The following PIGG variants were observed in gnomAD, a reference collection of about 807,000 sequenced individuals.
The protein encoded by PIGG is GPI ethanolamine phosphate transferase 2, catalytic subunit.
PIGG carries 70 observed loss-of-function variants against 83.2 expected under a neutral mutation model. That is an observed-to-expected ratio of 0.84 (90% CI 0.69 to 1.03). The LOEUF is 1.03. Among genes scored for constraint, PIGG ranks in the 50% least tolerant of loss-of-function variants. The probability of loss-of-function intolerance (pLI) is 0.00; values close to 1 mark genes in which losing one functional copy is unlikely to be tolerated. For missense variants in PIGG, 1,257 were observed against 1,233.6 expected (o/e 1.02, Z -0.28); for synonymous variants, 532 against 519.5 (o/e 1.02, Z -0.33).
intron 12 of PIGG, among the ~76,000 whole-genome samples, chr4:535,135 G>C (rs1256121580): frequency 6.6e-6 from 1 of 152,262 alleles, no homozygotes; most frequent in African/African-American, 2.4e-5. Flanking sequence ...GTCAGGTGCT[G>C]AGTGGAGTGT....
At chr4:533,387 G>A (rs11931543) in intron 11 of PIGG, 6 of 169,806 alleles carry the variant, frequency 3.5e-5, no homozygotes, top group South Asian at 3.0e-4. Flanking sequence ...CCAGCTCCCC[G>A]CTTGGCTGGG....
intron 12 of PIGG, chr4:536,200 A>C (rs934373674): frequency 6.6e-6 from 1 of 152,266 alleles, no homozygotes; most frequent in African/African-American, 2.4e-5. Flanking sequence ...AGGTTTCCGT[A>C]AGGGGTCGGG....
intron 10 of PIGG, among the ~76,000 whole-genome samples, chr4:529,897 C>G (rs1388528191): frequency 2.6e-5 from 4 of 152,190 alleles, no homozygotes; most frequent in Admixed American, 2.6e-4. Context: ...TTCTCAGAGC[C>G]CGCGGGTTGG....
chr4:528,446 C>A lies in PIGG; in HGVS notation c.2261+1216C>A, dbSNP rs1664943016. The A allele has an allele frequency of 1.0e-6, 1 of 985,296 alleles. No individual in the cohort carries two copies. The highest frequency in any genetic ancestry group is 1.2e-6 in the Non-Finnish European group (1 of 829,894). 61.0% of individuals were successfully genotyped at this position (985,296 alleles called of 1,614,324 possible). On this transcript the variant is annotated intron_variant, in intron 10 of 12. Transcript: ENST00000453061. The surrounding 1 kb of genome is among the most constrained non-coding windows in gnomAD (Gnocchi z 4.8). ...GGGTGGCCGTGGGGCTCCGGGGGCACCCCTGGAAGTACTTCCTGGCTGAGT... is the reference window on the plus strand; with the variant it reads ...GGGTGGCCGTGGGGCTCCGGGGGCAACCCTGGAAGTACTTCCTGGCTGAGT...
rs1716840561 is a variant in PIGG at position 499,677 on chromosome 4, A to G, written c.154+188A>G. 2.8e-6 allele frequency: 4 copies of G among 1,408,288 alleles called. No individual in the cohort carries two copies. The African/African-American group carries it at 4.4e-5, about 15-fold the overall frequency. The allele number at this position is 1,408,288 out of a possible 1,614,324, so 87.2% of individuals were successfully genotyped here. A position where few individuals can be genotyped will look rare whatever the true frequency, so the allele number is the denominator to read the frequency against. Reference sequence around the variant, plus strand: ...TTCTGTATTCTTACAACTTTGTGGCAACCACCTCTACTGGCCCCACTTCGA... The same window carrying G: ...TTCTGTATTCTTACAACTTTGTGGCGACCACCTCTACTGGCCCCACTTCGA... On this transcript the variant is annotated intron_variant, in intron 1 of 12. Transcript: ENST00000453061.
chr4:507,291 A>C (rs1720058807), intron 3 of PIGG, 114 bp from the exon 4 acceptor site: 3 of 810,172 alleles, frequency 3.7e-6, no homozygotes, highest in Non-Finnish European at 6.0e-6. Flanking sequence ...ACTCCCCCAA[A>C]TCCTGTAACC....
rs868964600 is a variant in PIGG, at chr4:505,486, A to T, written c.361-232A>T. 0.04 allele frequency among the ~76,000 whole-genome samples: 5,401 copies of T among 134,790 alleles called. 157 individuals are homozygous for T. Among genetic ancestry groups the T allele is most frequent in the African/African-American group, 0.076 (2,776 of 36,498 alleles). The allele number at this position is 134,790 out of a possible 152,430, so 88.4% of individuals were successfully genotyped here. ...AAAAAAAAAAAAAAAAAAAAAAAAA[A>T]GCTGGGTGTGGTGCCACACACCTGT... is the stretch of plus-strand genomic sequence containing the variant. On this transcript the variant is annotated intron_variant, in intron 2 of 12. Coordinates refer to ENST00000453061, the MANE Select transcript of PIGG (RefSeq NM_001127178.3).
chr4:527,693 T>C, intron 10 of PIGG: 2 of 985,376 alleles, frequency 2.0e-6, no homozygotes, highest in Non-Finnish European at 2.4e-6. Flanking sequence ...ACCGTCCTTG[T>C]AATTTATAAC....
intron 6 of PIGG, among the ~76,000 whole-genome samples, chr4:516,574 AG>A (rs1226680197): frequency 1.3e-5 from 2 of 152,142 alleles, no homozygotes; most frequent in Admixed American, 1.3e-4. Flanking sequence ...AAGAATAAAC[AG>A]GGCTGGGTGC....
At chr4:504,897 G>A (rs1719053508) in intron 2 of PIGG, among the ~76,000 whole-genome samples, 1 of 152,174 alleles carries the variant, frequency 6.6e-6, no homozygotes, top group Non-Finnish European at 1.5e-5. Flanking sequence ...GGTGGGAGCA[G>A]AAGAGACTAT....
chr4:506,465 C>G (rs1719738951), intron 3 of PIGG, among the ~76,000 whole-genome samples: 1 of 152,194 alleles, frequency 6.6e-6, no homozygotes, highest in African/African-American at 2.4e-5. Context: ...TAGGAGCACA[C>G]CAGCACACCT....
rs2108882533 is a variant in PIGG at position 515,791 on chromosome 4, G to T, written c.902-182G>T. On this transcript the variant is annotated intron_variant, in intron 5 of 12. Transcript: ENST00000453061. The surrounding 1 kb of genome is among the most constrained non-coding windows in gnomAD (Gnocchi z 4.2). ...AAGGAAAGACACCGTCCCTGGCATA[G>T]AATGGGTTCGGTAACTATCAACACA... Among the ~76,000 whole-genome samples the T allele has an allele frequency of 6.6e-6, 1 of 152,366 alleles. No homozygotes were observed. Among genetic ancestry groups the T allele is most frequent in the Non-Finnish European group, 1.5e-5 (1 of 68,040 alleles).
intron 2 of PIGG, among the ~76,000 whole-genome samples, chr4:504,951 A>G (rs1553877894): frequency 6.6e-6 from 1 of 152,168 alleles, no homozygotes; most frequent in Non-Finnish European, 1.5e-5. Context: ...CAAATTGCTG[A>G]AAGTTCACGC....
At chr4:511,297 A>T (rs10032435) in intron 5 of PIGG, among the ~76,000 whole-genome samples, 2 of 121,578 alleles carry the variant, frequency 1.6e-5, no homozygotes, top group Admixed American at 8.1e-5. Context: ...CCCCATCTTT[A>T]AAAAAAAAAA....
intron 10 of PIGG, chr4:527,549 G>T (rs529187819): frequency 9.3e-7 from 1 of 1,069,540 alleles, no homozygotes; most frequent in Admixed American, 4.8e-5. Flanking sequence ...ACAGATGAGC[G>T]TGAATCGGTT....
Position 515,220 on chromosome 4 carries a change from G to T in PIGG, c.902-753G>T, listed in dbSNP as rs1321768055. 6.6e-6 allele frequency among the ~76,000 whole-genome samples: 1 copy of T among 152,246 alleles called. No individual in the cohort carries two copies. The highest frequency in any genetic ancestry group is 1.5e-5 in the Non-Finnish European group (1 of 68,052). On this transcript the variant is annotated intron_variant, in intron 5 of 12. Transcript: ENST00000453061. This position sits in a 1 kb window ranked among gnomAD's most constrained non-coding sequence, Gnocchi z 4.2. ...CTGCCGGTGTACGTTGAATTCCAGGGTGTGGAGCTGTTTGCTGTCTTTACA... is the reference window on the plus strand; with the variant it reads ...CTGCCGGTGTACGTTGAATTCCAGGTTGTGGAGCTGTTTGCTGTCTTTACA...
rs1375694658 is a variant in PIGG at position 499,849 on chromosome 4, C to A, written c.154+360C>A. ...GGCGCCCTTTTTGCCCCCTAGCACA[C>A]AACAGATAAGACCCCTGCCGATCCC... is the stretch of plus-strand genomic sequence containing the variant. On this transcript the variant is annotated intron_variant, in intron 1 of 12. Coordinates refer to ENST00000453061, the MANE Select transcript of PIGG (RefSeq NM_001127178.3). The A allele has an allele frequency of 5.9e-6, 3 of 510,318 alleles. No individual in the cohort carries two copies. In the Admixed American group the frequency reaches 1.4e-4, roughly 24 times the overall value. 31.6% of individuals were successfully genotyped at this position (510,318 alleles called of 1,614,324 possible).
At chr4:536,166 G>A (rs868643661) in intron 12 of PIGG, 1 of 152,364 alleles carries the variant, frequency 6.6e-6, no homozygotes, top group Non-Finnish European at 1.5e-5. Flanking sequence ...CGGCGGGCCC[G>A]GGCTGGACCC....
chr4:500,278 G>C, intron 1 of PIGG, 118 bp from the exon 2 acceptor site: 1 of 743,938 alleles, frequency 1.3e-6, no homozygotes, highest in South Asian at 1.7e-5. Flanking sequence ...TTTGGGTTGG[G>C]TTATGTAGAT....
Sources: gnomAD v4.1 joint callset for allele counts (sites outside exome capture counted in the v4.1 genomes callset) on GRCh38, gnomAD v4.1.1 for gene constraint, Gnocchi (gnomAD v3.1) non-coding constraint, MANE v1.5 for transcripts, NCBI Gene and HGNC (gene_info 2026-07-23, HGNC 2026-07-21) for gene names.